PHC3: variants seen among roughly 807,000 people sequenced by gnomAD.
PHC3 encodes polyhomeotic homolog 3, also known as polyhomeotic-like protein 3.
PHC3 carries 13 observed loss-of-function variants against 107.4 expected under a neutral mutation model. That is an observed-to-expected ratio of 0.12 (90% CI 0.08 to 0.19). The LOEUF (loss-of-function observed/expected upper bound fraction) is 0.19. Among genes scored for constraint, PHC3 ranks in the 10% least tolerant of loss-of-function variants. The probability of loss-of-function intolerance (pLI) is 1.00; values close to 1 mark genes in which losing one functional copy is unlikely to be tolerated. For missense variants in PHC3, 992 were observed against 1,210.9 expected (o/e 0.82, Z 2.68); for synonymous variants, 456 against 427.4 (o/e 1.07, Z -0.83).
At position 170,129,393 on chromosome 3, in the gene PHC3, G is replaced by T. The variant is rs777352869; in HGVS notation, c.1079C>A (p.Pro360Gln). Residue 360 changes from proline to glutamine, a missense_variant, in exon 8 of 15, where the codon CCA (proline) becomes CAA (glutamine). Transcript: ENST00000495893. ...CTGGAGTGGTATACAGTGCTGGGAT[G>T]GGGGTGGGTCTTGAGTTGAATTCTG... ...TLQNSTQDPP[P>Q]SQHCIPLQNH... 6.2e-7 allele frequency: 1 copy of T among 1,613,890 alleles called. No individual in the cohort carries two copies. Among genetic ancestry groups the T allele is most frequent in the Non-Finnish European group, 8.5e-7 (1 of 1,179,876 alleles).
intron 9 of PHC3, among the ~76,000 whole-genome samples, chr3:170,120,376 A>G (rs1431974479): frequency 1.3e-5 from 2 of 152,156 alleles, no homozygotes; most frequent in Non-Finnish European, 2.9e-5. Context: ...ACCTGAGGTC[A>G]AGAGTTCGAG....
chr3:170,146,705 G>T (rs1725023303), intron 5 of PHC3, among the ~76,000 whole-genome samples: 2 of 150,380 alleles, frequency 1.3e-5, no homozygotes, highest in Admixed American at 6.6e-5. Context: ...GCTAATTTTT[G>T]TATTATTAGT....
intron 4 of PHC3, among the ~76,000 whole-genome samples, chr3:170,161,671 T>C (rs1484800343): frequency 6.6e-6 from 1 of 152,194 alleles, no homozygotes; most frequent in Non-Finnish European, 1.5e-5. Flanking sequence ...GCCTGACCCC[T>C]GACTTAAACA....
chr3:170,123,279 C>T (rs1214664861), intron 8 of PHC3, among the ~76,000 whole-genome samples: 1 of 151,798 alleles, frequency 6.6e-6, no homozygotes, highest in African/African-American at 2.4e-5. Context: ...TATATCTCTC[C>T]TTTTCTGTTC....
At position 170,122,630 on chromosome 3, in the gene PHC3, C is replaced by G; in HGVS notation, c.1903G>C (p.Gly635Arg). ...PTLSPAAITV[G>R]RGEDLTSEHP... is the part of the protein sequence containing the mutation. ...TCAGAAGTCAAATCTTCTCCTCTCC[C>G]CACTGTTATAGCTGCTGGAGACAAA... The change falls in exon 9 of 15, where the codon GGG becomes CGG. Residue 635 changes from glycine to arginine, a missense_variant. Gly to Arg is a moderately radical substitution (Grantham distance 125, BLOSUM62 -2). Coordinates refer to ENST00000495893, the MANE Select transcript of PHC3 (RefSeq NM_024947.4). 6.2e-7 allele frequency: 1 copy of G among 1,613,954 alleles called. No homozygotes were observed. Among genetic ancestry groups the G allele is most frequent in the Non-Finnish European group, 8.5e-7 (1 of 1,179,880 alleles).
intron 4 of PHC3, chr3:170,170,744 A>AT (rs979452236): frequency 1.3e-5 from 2 of 152,144 alleles, no homozygotes; most frequent in Non-Finnish European, 2.9e-5. Flanking sequence ...AGATACAGAA[A>AT]TTTTTTTATT....
chr3:170,132,183 C>CAT (rs145428216), intron 7 of PHC3, among the ~76,000 whole-genome samples: 12 of 152,188 alleles, frequency 7.9e-5, no homozygotes, highest in South Asian at 2.1e-4. Context: ...ACATCTCTCA[C>CAT]ATATATATAT....
Position 170,094,266 on chromosome 3 carries a change from CAT to C in PHC3, c.*2962_*2963del, listed in dbSNP as rs889757157. The C allele has an allele frequency of 6.6e-6, 1 of 152,162 alleles. No homozygotes were observed. Among genetic ancestry groups the C allele is most frequent in the African/African-American group, 2.4e-5 (1 of 41,422 alleles). 9.4% of individuals were successfully genotyped at this position (152,162 alleles called of 1,614,324 possible). A position where few individuals can be genotyped will look rare whatever the true frequency, so the allele number is the denominator to read the frequency against. On this transcript the variant is annotated 3_prime_UTR_variant, in exon 15 of 15. Transcript: ENST00000495893. ...CACAAGGCTTGATGAATATTAATGT[CAT>C]ATAAAAAATAATTTTTACAAATCAG... is the stretch of plus-strand genomic sequence containing the variant.
intron 11 of PHC3, among the ~76,000 whole-genome samples, chr3:170,109,300 T>C (rs1356323241): frequency 6.6e-6 from 1 of 152,168 alleles, no homozygotes; most frequent in East Asian, 1.9e-4. Flanking sequence ...GGCTGATTTG[T>C]AACCAATGGC....
At position 170,117,452 on chromosome 3, in the gene PHC3, G is replaced by A. The variant is rs762335547; in HGVS notation, c.1967C>T (p.Ala656Val). 6.2e-7 allele frequency: 1 copy of A among 1,612,252 alleles called. No individual in the cohort carries two copies. The highest frequency in any genetic ancestry group is 8.5e-7 in the Non-Finnish European group (1 of 1,178,978). The stretch of plus-strand genomic sequence containing the variant: ...TTTAATTACTGAAGCACTGACTGAT[G>A]CCACAGCAGGTAATTCCACTTGCTC... ...LLEQVELPAV[A>V]SVSASVIKSP... The change falls in exon 10 of 15, where the codon GCA becomes GTA. Residue 656 changes from alanine (A) to valine (V), a missense_variant. By Grantham distance (64) the Ala-to-Val change is moderately conservative. Coordinates refer to ENST00000495893, the MANE Select transcript of PHC3 (RefSeq NM_024947.4).
At chr3:170,173,681 A>G (rs777862558) in intron 2 of PHC3, among the ~76,000 whole-genome samples, 27 of 152,216 alleles carry the variant, frequency 1.8e-4, no homozygotes, top group Non-Finnish European at 3.2e-4. Flanking sequence ...GCTGATACCG[A>G]TCTATATTTA....
At chr3:170,177,435 T>C (rs1347892627) in intron 2 of PHC3, among the ~76,000 whole-genome samples, 1 of 152,104 alleles carries the variant, frequency 6.6e-6, no homozygotes, top group Non-Finnish European at 1.5e-5. Context: ...GGCGCTATCT[T>C]GGCTCACTGC....
intron 4 of PHC3, among the ~76,000 whole-genome samples, chr3:170,168,451 T>C (rs1311050657): frequency 6.6e-6 from 1 of 152,144 alleles, no homozygotes; most frequent in Non-Finnish European, 1.5e-5. Context: ...GAATTAGTTT[T>C]AGAGCCAAAC....
intron 7 of PHC3, among the ~76,000 whole-genome samples, chr3:170,133,067 T>A (rs1722514221): frequency 6.6e-6 from 1 of 152,196 alleles, no homozygotes; most frequent in Non-Finnish European, 1.5e-5. Context: ...TAGACTATAC[T>A]ACATTAGAAT....
intron 7 of PHC3, among the ~76,000 whole-genome samples, chr3:170,130,612 C>T (rs1722091910): frequency 6.6e-6 from 1 of 152,058 alleles, no homozygotes; most frequent in Non-Finnish European, 1.5e-5. Flanking sequence ...ATTTTGTTAA[C>T]CCTTTTCCCT....
rs536814748 is a variant in PHC3 at position 170,091,357 on chromosome 3, T to C, written c.*5873A>G. On this transcript the variant is annotated 3_prime_UTR_variant, in exon 15 of 15. Transcript: ENST00000495893. ...TTTTTTTAAACAACAAATTTTGTTT[T>C]CTTTCTATGGATTCATACTGAACAC... The C allele has an allele frequency of 7.2e-5, 11 of 152,330 alleles. 1 individual carries two copies. Among genetic ancestry groups the C allele is most frequent in the South Asian group, 6.2e-4 (3 of 4,834 alleles). 9.4% of individuals were successfully genotyped at this position (152,330 alleles called of 1,614,324 possible).
chr3:170,129,269 T>G lies in PHC3; in HGVS notation c.1203A>C (p.Ser401=). The G allele has an allele frequency of 6.2e-7, 1 of 1,613,900 alleles. No individual in the cohort carries two copies. Among genetic ancestry groups the G allele is most frequent in the Non-Finnish European group, 8.5e-7 (1 of 1,179,834 alleles). Reference sequence around the variant, plus strand: ...CCACTACAGACTGCTGTGCTGACTGTGACTGATTAGGAGACACTGTTAAAG... The same window carrying G: ...CCACTACAGACTGCTGTGCTGACTGGGACTGATTAGGAGACACTGTTAAAG... ...PSPLTVSPNQ[S]QSAQQSVVVS... Residue 401 remains serine, a synonymous_variant, in exon 8 of 15, where the codon TCA becomes TCC. Transcript: ENST00000495893.
intron 11 of PHC3, 98 bp from the exon 12 acceptor site, chr3:170,107,044 A>G: frequency 1.4e-6 from 1 of 726,402 alleles, no homozygotes; most frequent in Non-Finnish European, 2.2e-6. Context: ...CTAGCAAACC[A>G]ATGGCCCTTT....
chr3:170,160,460 C>T (rs879851177), intron 4 of PHC3, among the ~76,000 whole-genome samples: 1 of 152,192 alleles, frequency 6.6e-6, no homozygotes, highest in African/African-American at 2.4e-5. Flanking sequence ...CCAGAGCAAG[C>T]AGCACAATGT....
Sources: allele counts gnomAD v4.1 joint callset (sites outside exome capture counted in the v4.1 genomes callset), GRCh38; gene constraint gnomAD v4.1.1; transcripts MANE v1.5; gene names NCBI Gene and HGNC (gene_info 2026-07-23, HGNC 2026-07-21).